Variants in RCBTB1 observed in about 807,000 individuals in gnomAD.
RCBTB1 encodes RCC1 and BTB domain-containing protein 1.
RCBTB1 carries 46 observed loss-of-function variants against 62.4 expected under a neutral mutation model. The observed-to-expected ratio is 0.74, with a 90% CI of 0.58 to 0.94. The LOEUF (loss-of-function observed/expected upper bound fraction) is 0.94. RCBTB1 is among the 40% of genes least tolerant of loss of function. The pLI, the probability that RCBTB1 is intolerant of heterozygous loss-of-function variation, is 0.00. For missense variants in RCBTB1, 565 were observed against 654.9 expected, an observed-to-expected ratio of 0.86 and a Z score of 1.50; for synonymous variants, 222 against 245.8, an observed-to-expected ratio of 0.90 and a Z score of 0.91.
In RCBTB1 at chr13:49,555,662, C is replaced by G; in HGVS notation, c.456G>C (p.Trp152Cys). Residue 152 changes from tryptophan (W) to cysteine (C), a missense_variant, in exon 6 of 13, where the codon TGG becomes TGC. Coordinates refer to ENST00000378302, the MANE Select transcript of RCBTB1 (RefSeq NM_018191.4). The stretch of plus-strand genomic sequence containing the variant: ...CCACTTGGCCACAGTTGTTATAACC[C>G]CAAGCAAACACCTACAAGAGAAAGA... ...ALAADGEVFA[W>C]GYNNCGQVGS... 6.3e-7 allele frequency: 1 copy of G among 1,586,898 alleles called. No individual in the cohort carries two copies. Among genetic ancestry groups the G allele is most frequent in the Non-Finnish European group, 8.6e-7 (1 of 1,166,296 alleles).
rs372290207 is a variant in RCBTB1 at position 49,567,160 on chromosome 13, A to G, written c.120T>C (p.Asn40=). Reference sequence around the variant, plus strand: ...GGTTTCAAGAGACTCTTACCTCATCATTGTCAGTAACGTACAGTGCTTCAC... The same window carrying G: ...GGTTTCAAGAGACTCTTACCTCATCGTTGTCAGTAACGTACAGTGCTTCAC... The part of the protein sequence containing the change: ...SASEALYVTD[N]DEVFVFGLNY... The change falls in exon 3 of 13, where the codon AAT becomes AAC. Residue 40 remains asparagine (N), a synonymous_variant. Coordinates refer to ENST00000378302, the MANE Select transcript of RCBTB1 (RefSeq NM_018191.4). The G allele has an allele frequency of 3.2e-5, 52 of 1,613,996 alleles. No individual in the cohort carries two copies. Among genetic ancestry groups the G allele is most frequent in the Non-Finnish European group, 4.3e-5 (51 of 1,179,942 alleles).
At chr13:49,569,710 C>A (rs1369958433) in intron 2 of RCBTB1, among the ~76,000 whole-genome samples, 40 of 144,648 alleles carry the variant, frequency 2.8e-4, no homozygotes, top group African/African-American at 9.4e-4. Flanking sequence ...GAGTGAGAGA[C>A]CCTGTCTCAA....
chr13:49,540,720 A>G (rs1960276730), intron 12 of RCBTB1, among the ~76,000 whole-genome samples, 156 bp downstream of exon 12: 1 of 152,244 alleles, frequency 6.6e-6, no homozygotes, highest in South Asian at 2.1e-4. Context: ...ACAGGGAATT[A>G]AGAAGCAAGG....
At chr13:49,576,954 A>G (rs915887515) in intron 2 of RCBTB1, among the ~76,000 whole-genome samples, 1 of 152,116 alleles carries the variant, frequency 6.6e-6, no homozygotes, top group Admixed American at 6.5e-5. Flanking sequence ...TAATATGCCA[A>G]CCCACTTGGC....
chr13:49,546,246 C>G, intron 9 of RCBTB1: 1 of 985,410 alleles, frequency 1.0e-6, no homozygotes. Flanking sequence ...TATAGTACAT[C>G]CTTTCAGAGA....
In RCBTB1 at chr13:49,555,686, G is replaced by T; in HGVS notation, c.445-13C>A. On this transcript the variant is annotated splice_polypyrimidine_tract_variant and intron_variant, in intron 5 of 12. Transcript: ENST00000378302. ...CCCAAGCAAACACCTACAAGAGAAA[G>T]AAAAAGGAAAAGGAAAGAATAGTCA... The T allele has an allele frequency of 6.5e-7, 1 of 1,536,658 alleles. No individual in the cohort carries two copies. Among genetic ancestry groups the T allele is most frequent in the Non-Finnish European group, 8.7e-7 (1 of 1,143,624 alleles).
At chr13:49,554,671 C>T (rs1305103983) in intron 6 of RCBTB1, among the ~76,000 whole-genome samples, 2 of 152,116 alleles carry the variant, frequency 1.3e-5, no homozygotes, top group Non-Finnish European at 2.9e-5. Flanking sequence ...AGCACGAACC[C>T]CATTGTGAAC....
chr13:49,566,265 T>C (rs796195932), intron 4 of RCBTB1, among the ~76,000 whole-genome samples: 1 of 88,378 alleles, frequency 1.1e-5, no homozygotes, highest in Non-Finnish European at 2.0e-5. Flanking sequence ...AATAAAAAAA[T>C]AAAATAAAAT....
chr13:49,574,170 G>A (rs1344634267), intron 2 of RCBTB1, among the ~76,000 whole-genome samples: 1 of 151,420 alleles, frequency 6.6e-6, no homozygotes, highest in Non-Finnish European at 1.5e-5. Flanking sequence ...CCAGTCTGGA[G>A]TACACTGGCA....
intron 4 of RCBTB1, 35 bp from the exon 5 acceptor site, chr13:49,560,119 A>C (rs758406575): frequency 2.8e-5 from 45 of 1,603,196 alleles, no homozygotes; most frequent in Non-Finnish European, 3.8e-5. Flanking sequence ...ATCAGCTCCA[A>C]AAAGAAATAG....
intron 2 of RCBTB1, among the ~76,000 whole-genome samples, chr13:49,575,425 T>C (rs561927521): frequency 1.9e-4 from 25 of 132,858 alleles, no homozygotes; most frequent in African/African-American, 6.2e-4. Flanking sequence ...GGAAAATAAA[T>C]TGTTCTACCA....
chr13:49,573,161 A>G (rs1254995097), intron 2 of RCBTB1, among the ~76,000 whole-genome samples: 1 of 152,236 alleles, frequency 6.6e-6, no homozygotes, highest in Non-Finnish European at 1.5e-5. Context: ...GTACCCTGTA[A>G]GACTTAGTTA....
intron 1 of RCBTB1, among the ~76,000 whole-genome samples, chr13:49,581,400 A>C (rs753718719): frequency 3.3e-5 from 5 of 152,224 alleles, no homozygotes; most frequent in Non-Finnish European, 7.3e-5. Flanking sequence ...CTTGAGTGAG[A>C]GAGAACTGTG....
At position 49,541,697 on chromosome 13, in the gene RCBTB1, G is replaced by C; in HGVS notation, c.1303C>G (p.Leu435Val). 1 of 1,612,720 alleles carries C rather than the reference G, an allele frequency of 6.2e-7. No homozygotes were observed. The highest frequency in any genetic ancestry group is 8.5e-7 in the Non-Finnish European group (1 of 1,179,556). Residue 435 changes from leucine (L) to valine (V), a missense_variant, in exon 11 of 13, where the codon CTG becomes GTG. Leu to Val is a conservative substitution (Grantham distance 32, BLOSUM62 1). Coordinates refer to ENST00000378302, the MANE Select transcript of RCBTB1 (RefSeq NM_018191.4). The stretch of plus-strand genomic sequence containing the variant: ...GTACCTATAGCATCTTCTGGCGGCA[G>C]GTCGACTGTGTCTGTGTAGAGGTAC... ...LQYLYTDTVD[L>V]PPEDAIGLLD...
chr13:49,555,799 T>C (rs1961811580), intron 5 of RCBTB1, 126 bp from the exon 6 acceptor site: 1 of 718,888 alleles, frequency 1.4e-6, no homozygotes, highest in African/African-American at 1.8e-5. Context: ...AACGGTTCTA[T>C]ATGCTTTACA....
intron 1 of RCBTB1, among the ~76,000 whole-genome samples, chr13:49,584,089 C>T (rs1345411710): frequency 6.6e-6 from 1 of 152,234 alleles, no homozygotes; most frequent in Admixed American, 6.5e-5. Context: ...GACTTCCCAG[C>T]TCCCGTATAT....
intron 6 of RCBTB1, among the ~76,000 whole-genome samples, chr13:49,554,694 C>T (rs1342059826): frequency 6.6e-6 from 1 of 152,160 alleles, no homozygotes. Flanking sequence ...CACAACAAGG[C>T]ATCTAGGCTG....
intron 6 of RCBTB1, among the ~76,000 whole-genome samples, chr13:49,554,457 A>G (rs569857811): frequency 8.5e-5 from 13 of 152,324 alleles, no homozygotes; most frequent in East Asian, 3.9e-4. Flanking sequence ...TTTAAAAAAT[A>G]AGTTAACATA....
At chr13:49,553,104 C>T (rs1224457036) in intron 6 of RCBTB1, among the ~76,000 whole-genome samples, 1 of 152,102 alleles carries the variant, frequency 6.6e-6, no homozygotes, top group Non-Finnish European at 1.5e-5. Context: ...ATCACTTGAA[C>T]CTGGGAGGCA....
Sources: allele counts gnomAD v4.1 joint callset (sites outside exome capture counted in the v4.1 genomes callset), GRCh38; gene constraint gnomAD v4.1.1; transcripts MANE v1.5; gene names NCBI Gene and HGNC (gene_info 2026-07-23, HGNC 2026-07-21).